The following SCAI variants were observed in gnomAD, a reference collection of about 807,000 sequenced individuals.
SCAI encodes the protein protein SCAI.
In SCAI, 24 loss-of-function variants were observed where a neutral mutation model predicts 92.2. That is an observed-to-expected ratio of 0.26 (90% CI 0.19 to 0.37). The LOEUF (loss-of-function observed/expected upper bound fraction) is 0.37, where lower values mean the gene tolerates loss of function less well. SCAI is among the 10% of genes least tolerant of loss of function. The probability of loss-of-function intolerance (pLI) is 1.00; values close to 1 mark genes in which losing one functional copy is unlikely to be tolerated. For missense variants in SCAI, 450 were observed against 736.2 expected, an observed-to-expected ratio of 0.61 and a Z score of 4.50; for synonymous variants, 261 against 258.6, an observed-to-expected ratio of 1.01 and a Z score of -0.09.
intron 2 of SCAI, among the ~76,000 whole-genome samples, chr9:125,058,979 A>G (rs781162411): frequency 3.3e-5 from 5 of 152,256 alleles, no homozygotes; most frequent in African/African-American, 4.8e-5. Context: ...ATAAGAAATC[A>G]TGAATCAATA....
In SCAI at chr9:125,041,943, A is replaced by G. The variant is rs376726692; in HGVS notation, c.231-12204T>C. Among the ~76,000 whole-genome samples the G allele has an allele frequency of 4.1e-4, 62 of 152,330 alleles. 1 individual carries two copies. In the East Asian group the frequency reaches 8.3e-3, roughly 20 times the overall value. On this transcript the variant is annotated intron_variant, in intron 3 of 17. Coordinates refer to ENST00000336505, the MANE Select transcript of SCAI (RefSeq NM_001144877.3). The stretch of plus-strand genomic sequence containing the variant: ...TTAATATACGAACCACTATATGATC[A>G]GCATCTAAAATTAACTAAGGTACTC...
chr9:125,035,152 C>T (rs1833166227), intron 3 of SCAI, among the ~76,000 whole-genome samples: 1 of 151,976 alleles, frequency 6.6e-6, no homozygotes, highest in Non-Finnish European at 1.5e-5. Context: ...CCCAGAAATT[C>T]AAGACCAGCC....
At chr9:124,978,159 T>C (rs10986505) in intron 14 of SCAI, among the ~76,000 whole-genome samples, 100,617 of 152,078 alleles carry the variant, frequency 0.66, 33,932 homozygotes, top group African/African-American at 0.77. Flanking sequence ...AAGAGCCTCT[T>C]AGCCAGGCGC....
chr9:124,959,748 A>G (rs1163595770), intron 17 of SCAI, among the ~76,000 whole-genome samples: 1 of 125,338 alleles, frequency 8.0e-6, no homozygotes, highest in African/African-American at 3.1e-5. Flanking sequence ...AAGTGTTCTC[A>G]TTGTTCAGTT....
intron 12 of SCAI, among the ~76,000 whole-genome samples, chr9:125,001,571 G>A (rs1276618500): frequency 6.6e-6 from 1 of 152,148 alleles, no homozygotes; most frequent in African/African-American, 2.4e-5. Flanking sequence ...GCCATTGACC[G>A]GATTCCCCAA....
intron 3 of SCAI, among the ~76,000 whole-genome samples, chr9:125,039,627 G>A (rs1485803787): frequency 1.3e-5 from 2 of 152,272 alleles, no homozygotes; most frequent in East Asian, 3.9e-4. Context: ...AGTTCTGCCA[G>A]TCTCAGTCAG....
At chr9:125,121,626 A>G (rs139650453) in intron 2 of SCAI, among the ~76,000 whole-genome samples, 13,924 of 152,094 alleles carry the variant, frequency 0.092, 858 homozygotes, top group Non-Finnish European at 0.13. Context: ...CAAGATGGGT[A>G]GATCACCTGA....
chr9:125,107,404 T>C (rs1234792801), intron 2 of SCAI, among the ~76,000 whole-genome samples: 2 of 137,190 alleles, frequency 1.5e-5, no homozygotes, highest in Non-Finnish European at 3.1e-5. Context: ...GGAGACACTG[T>C]CTCAAAAAAA....
intron 13 of SCAI, among the ~76,000 whole-genome samples, chr9:124,995,751 A>C (rs1832225669): frequency 6.6e-6 from 1 of 152,094 alleles, no homozygotes; most frequent in Non-Finnish European, 1.5e-5. Context: ...TCAGCTTCCC[A>C]AAGTGCTAGG....
intron 14 of SCAI, among the ~76,000 whole-genome samples, chr9:124,988,108 A>G (rs1832037360): frequency 6.6e-6 from 1 of 152,018 alleles, no homozygotes; most frequent in Admixed American, 6.6e-5. Context: ...AAAACATGGC[A>G]TCATGCTGGT....
rs764533096 is a variant in SCAI, at chr9:125,142,657, T to C, written c.74A>G (p.Lys25Arg). 83 of 1,613,846 alleles carry C rather than the reference T, an allele frequency of 5.1e-5. No individual in the cohort carries two copies. The highest frequency in any genetic ancestry group is 6.2e-5 in the Non-Finnish European group (73 of 1,179,876). ...CCTGCTTCTCCGTTTTCGAGGCGGT[T>C]TCTCCACTGTGCCAGTCAGTCTGCA... Reference protein sequence around the residue: ...LAPRLTGTVEKPPRKRRSRTE... With the variant: ...LAPRLTGTVERPPRKRRSRTE... The change falls in exon 2 of 18, where the codon AAA (lysine) becomes AGA (arginine). Residue 25 changes from lysine (K) to arginine (R), a missense_variant. Transcript: ENST00000336505.
chr9:124,990,168 CT>C (rs1448515245), intron 14 of SCAI, among the ~76,000 whole-genome samples: 3 of 151,848 alleles, frequency 2.0e-5, no homozygotes, highest in Non-Finnish European at 4.4e-5. Flanking sequence ...GAGTGAAACT[CT>C]GTCTCAAAAA....
intron 17 of SCAI, among the ~76,000 whole-genome samples, chr9:124,962,254 G>C (rs1342656671): frequency 6.6e-6 from 1 of 150,662 alleles, no homozygotes; most frequent in Middle Eastern, 3.4e-3. Flanking sequence ...CCACCTTCTG[G>C]GTTCAAGCAG....
intron 3 of SCAI, among the ~76,000 whole-genome samples, chr9:125,046,196 G>GAGATATATATATATATAT (rs371482525): frequency 7.7e-5 from 4 of 51,868 alleles, no homozygotes; most frequent in South Asian, 9.7e-4. Flanking sequence ...GAAATTGTGA[G>GAGATATATATATATATAT]ATATATATAT....
At chr9:124,954,606 A>G (rs1405584407) in intron 17 of SCAI, among the ~76,000 whole-genome samples, 1 of 152,218 alleles carries the variant, frequency 6.6e-6, no homozygotes, top group Admixed American at 6.5e-5. Context: ...TTATTAAGAT[A>G]CAATTAACAT....
At chr9:125,134,168 C>T (rs1354465343) in intron 2 of SCAI, among the ~76,000 whole-genome samples, 1 of 152,176 alleles carries the variant, frequency 6.6e-6, no homozygotes, top group Non-Finnish European at 1.5e-5. Context: ...TTTCAATAGT[C>T]ACACTACCAA....
At chr9:125,038,758 A>C (rs1833253688) in intron 3 of SCAI, among the ~76,000 whole-genome samples, 2 of 152,326 alleles carry the variant, frequency 1.3e-5, no homozygotes, top group South Asian at 4.1e-4. Flanking sequence ...TACTGGTAGG[A>C]TCAGTCTGCA....
At chr9:125,116,063 C>T (rs1420285170) in intron 2 of SCAI, among the ~76,000 whole-genome samples, 1 of 152,058 alleles carries the variant, frequency 6.6e-6, no homozygotes, top group Non-Finnish European at 1.5e-5. Flanking sequence ...CATGGTGGCA[C>T]ATGCCTGTCT....
At chr9:125,090,914 C>A (rs533074523) in intron 2 of SCAI, among the ~76,000 whole-genome samples, 1 of 152,016 alleles carries the variant, frequency 6.6e-6, no homozygotes, top group African/African-American at 2.4e-5. Context: ...GTCAAGAGAT[C>A]GAGACCATCC....
Sources: gnomAD v4.1 joint callset for allele counts (sites outside exome capture counted in the v4.1 genomes callset) on GRCh38, gnomAD v4.1.1 for gene constraint, MANE v1.5 for transcripts, NCBI Gene and HGNC (gene_info 2026-07-23, HGNC 2026-07-21) for gene names.